SMCO4: variants seen among roughly 807,000 people sequenced by gnomAD.
SMCO4 encodes the protein single-pass membrane protein with coiled-coil domains 4.
A neutral mutation model predicts 3.6 loss-of-function variants in SMCO4; 4 were observed. The ratio of observed to expected loss-of-function variants is 1.11; its 90% confidence interval spans 0.54 to 2.53. SMCO4 has a LOEUF of 2.53. Among genes scored for constraint, SMCO4 ranks in the 30% most tolerant of loss-of-function variants. SMCO4 has a pLI of 0.02. For missense variants in SMCO4, 70 were observed against 80.8 expected (o/e 0.87, Z 0.51); for synonymous variants, 36 against 35.3 (o/e 1.02, Z -0.07).
intron 1 of SMCO4, among the ~76,000 whole-genome samples, chr11:93,505,704 T>C (rs149732300): frequency 8.5e-5 from 13 of 152,288 alleles, no homozygotes; most frequent in Non-Finnish European, 1.8e-4. Context: ...CAATCAAAAA[T>C]GTATTTGAGC....
At chr11:93,535,992 T>C (rs1949221475) in intron 1 of SMCO4, among the ~76,000 whole-genome samples, 2 of 152,194 alleles carry the variant, frequency 1.3e-5, no homozygotes, top group Admixed American at 1.3e-4. Context: ...AAGAATCTAG[T>C]TTATTTTGCA....
intron 2 of SMCO4, among the ~76,000 whole-genome samples, chr11:93,497,241 A>G (rs1421237706): frequency 6.6e-6 from 1 of 152,206 alleles, no homozygotes; most frequent in African/African-American, 2.4e-5. Flanking sequence ...CCACATGGCA[A>G]TAAAGCACTG....
chr11:93,479,377 A>G, intron 2 of SMCO4, 108 bp from the exon 3 acceptor site: 2 of 1,115,426 alleles, frequency 1.8e-6, no homozygotes, highest in South Asian at 4.2e-5. Context: ...CTTACATGAC[A>G]AAGGGCTAAG....
intron 1 of SMCO4, chr11:93,535,806 A>C: frequency 4.3e-6 from 7 of 1,613,914 alleles, no homozygotes; most frequent in Non-Finnish European, 5.9e-6. Context: ...CAGCAGCAGC[A>C]ACAGCAGCAC....
intron 1 of SMCO4, among the ~76,000 whole-genome samples, chr11:93,534,239 C>T (rs201924635): frequency 0.063 from 587 of 9,308 alleles, 45 homozygotes; most frequent in South Asian, 0.35. Flanking sequence ...CACACACACA[C>T]ACACACACAC....
At chr11:93,499,666 G>A (rs537576879) in intron 1 of SMCO4, among the ~76,000 whole-genome samples, 54 of 152,278 alleles carry the variant, frequency 3.5e-4, no homozygotes, top group Middle Eastern at 3.4e-3. Context: ...CAACAAACTC[G>A]CTGCTAACTT....
intron 1 of SMCO4, among the ~76,000 whole-genome samples, chr11:93,514,068 C>A (rs11020394): frequency 0.41 from 62,086 of 151,840 alleles, 13,114 homozygotes; most frequent in Non-Finnish European, 0.46. Context: ...TGCTGCCTGT[C>A]GTAGGTGCTC....
At chr11:93,480,432 G>A (rs1387256427) in intron 2 of SMCO4, among the ~76,000 whole-genome samples, 1 of 152,206 alleles carries the variant, frequency 6.6e-6, no homozygotes, top group East Asian at 1.9e-4. Flanking sequence ...TGCATCACCA[G>A]CTTCCATGCA....
chr11:93,506,394 C>T (rs1948902219), intron 1 of SMCO4, among the ~76,000 whole-genome samples: 1 of 151,294 alleles, frequency 6.6e-6, no homozygotes, highest in Admixed American at 6.6e-5. Flanking sequence ...GCAGTGGCAT[C>T]TCACTGTATC....
At chr11:93,532,066 A>G (rs1207690819) in intron 1 of SMCO4, among the ~76,000 whole-genome samples, 1 of 152,220 alleles carries the variant, frequency 6.6e-6, no homozygotes, top group African/African-American at 2.4e-5. Context: ...CCTTGGGCAC[A>G]TGTCATCAGG....
At chr11:93,552,442 G>GTTGTTATTA in the SMCO4 span, among the ~76,000 whole-genome samples, 47 of 130,238 alleles carry the variant, frequency 3.6e-4, no homozygotes, top group African/African-American at 1.1e-3. Flanking sequence ...GCCCAGCCAC[G>GTTGTTATTA]TTATTATTAT....
At chr11:93,518,439 G>C (rs1421258435) in intron 1 of SMCO4, among the ~76,000 whole-genome samples, 1 of 152,156 alleles carries the variant, frequency 6.6e-6, no homozygotes, top group Non-Finnish European at 1.5e-5. Context: ...AAGGATTTAA[G>C]TCCCTGATCC....
At chr11:93,538,134 G>A (rs1336918069) in intron 1 of SMCO4, among the ~76,000 whole-genome samples, 1 of 152,228 alleles carries the variant, frequency 6.6e-6, no homozygotes, top group African/African-American at 2.4e-5. Context: ...ACCGATGACA[G>A]GACATGCAGA....
the SMCO4 span, among the ~76,000 whole-genome samples, chr11:93,551,473 G>A: frequency 6.6e-6 from 1 of 152,290 alleles, no homozygotes; most frequent in South Asian, 2.1e-4. Context: ...CTCCCCAGAG[G>A]TGCAGAGGCA....
Position 93,527,272 on chromosome 11 carries a change from C to T in SMCO4, c.-154+16004G>A, listed in dbSNP as rs114044855. Among the ~76,000 whole-genome samples the T allele has an allele frequency of 8.4e-3, 1,278 of 152,224 alleles. 18 individuals carry two copies. Among genetic ancestry groups the T allele is most frequent in the African/African-American group, 0.028 (1,167 of 41,526 alleles). The stretch of plus-strand genomic sequence containing the variant: ...TACCACAGATCCCAGGAACCTGGGA[C>T]CTTTCTGAGTATGTCAGTTCTGGGT... On this transcript the variant is annotated intron_variant, in intron 1 of 2. Coordinates refer to ENST00000298966, the MANE Select transcript of SMCO4 (RefSeq NM_020179.3).
At chr11:93,483,823 T>G (rs1948618659) in intron 2 of SMCO4, among the ~76,000 whole-genome samples, 1 of 152,222 alleles carries the variant, frequency 6.6e-6, no homozygotes, top group Non-Finnish European at 1.5e-5. Context: ...CATCTGTGAC[T>G]CTGAAGCCTG....
At chr11:93,489,803 C>A (rs1176118496) in intron 2 of SMCO4, among the ~76,000 whole-genome samples, 1 of 151,470 alleles carries the variant, frequency 6.6e-6, no homozygotes, top group African/African-American at 2.4e-5. Flanking sequence ...ACCTCTCCCC[C>A]TCCATCCCCA....
At chr11:93,488,229 G>A (rs1056087854) in intron 2 of SMCO4, among the ~76,000 whole-genome samples, 1 of 152,200 alleles carries the variant, frequency 6.6e-6, no homozygotes, top group East Asian at 1.9e-4. Context: ...CCTCAGGCGG[G>A]GCATCCCTTG....
Position 93,479,094 on chromosome 11 carries a change from T to G in SMCO4, c.96A>C (p.Thr32=), listed in dbSNP as rs370993774. Residue 32 remains threonine, a synonymous_variant, in exon 3 of 3, where the codon ACA becomes ACC. Coordinates refer to ENST00000298966, the MANE Select transcript of SMCO4 (RefSeq NM_020179.3). Reference sequence around the variant, plus strand: ...CCACGGCCAGCGTGGGCAGCACCACTGTAGTGATCTGCTGCCGGGCCTCCT... The same window carrying G: ...CCACGGCCAGCGTGGGCAGCACCACGGTAGTGATCTGCTGCCGGGCCTCCT... ...AMQEARQQIT[T]VVLPTLAVVV... 13 of 1,613,986 alleles carry G rather than the reference T, an allele frequency of 8.1e-6. No individual in the cohort carries two copies. In the South Asian group the frequency reaches 1.3e-4, roughly 16 times the overall value.
Sources: gnomAD v4.1 joint callset for allele counts (sites outside exome capture counted in the v4.1 genomes callset) on GRCh38, gnomAD v4.1.1 for gene constraint, MANE v1.5 for transcripts, NCBI Gene and HGNC (gene_info 2026-07-23, HGNC 2026-07-21) for gene names.